CDK14: variants seen among roughly 807,000 people sequenced by gnomAD.
The protein encoded by CDK14 is cyclin-dependent kinase 14.
Under a neutral mutation model 60.7 loss-of-function variants are expected in CDK14, and 34 were observed. The observed-to-expected ratio is 0.56, with a 90% CI of 0.43 to 0.75. The LOEUF (loss-of-function observed/expected upper bound fraction) is 0.75. Among genes scored for constraint, CDK14 ranks in the 30% least tolerant of loss-of-function variants. The pLI, the probability that CDK14 is intolerant of heterozygous loss-of-function variation, is 0.00. For synonymous variants in CDK14, 197 were observed against 203.7 expected, an observed-to-expected ratio of 0.97 and a Z score of 0.28; for missense variants, 482 against 564.1, an observed-to-expected ratio of 0.85 and a Z score of 1.47.
chr7:90,916,221 T>C (rs1321136667), intron 7 of CDK14, among the ~76,000 whole-genome samples: 1 of 152,186 alleles, frequency 6.6e-6, no homozygotes, highest in Non-Finnish European at 1.5e-5. Flanking sequence ...CAGCTGCTAG[T>C]GATGGTGTGA....
intron 10 of CDK14, among the ~76,000 whole-genome samples, chr7:90,991,658 T>G (rs1795540427): frequency 6.6e-6 from 1 of 152,148 alleles, no homozygotes; most frequent in Non-Finnish European, 1.5e-5. Flanking sequence ...ATGTGCCCAG[T>G]AAATGCTTTT....
At chr7:90,714,576 T>C (rs1409928968) in intron 2 of CDK14, among the ~76,000 whole-genome samples, 2 of 152,088 alleles carry the variant, frequency 1.3e-5, no homozygotes, top group East Asian at 3.9e-4. Flanking sequence ...GAAAGATACT[T>C]CCATTTTCTC....
chr7:90,893,673 G>A (rs904829299), intron 6 of CDK14, among the ~76,000 whole-genome samples: 1 of 152,126 alleles, frequency 6.6e-6, no homozygotes, highest in African/African-American at 2.4e-5. Context: ...TGTAATTCAG[G>A]CACATGTAAT....
At chr7:91,071,648 T>C (rs1562892202) in intron 11 of CDK14, among the ~76,000 whole-genome samples, 1 of 152,210 alleles carries the variant, frequency 6.6e-6, no homozygotes, top group Admixed American at 6.5e-5. Flanking sequence ...GCCAAGCTCC[T>C]GGTGGGAGGG....
At chr7:91,117,312 T>G (rs1459608887) in intron 13 of CDK14, among the ~76,000 whole-genome samples, 1 of 151,728 alleles carries the variant, frequency 6.6e-6, no homozygotes, top group African/African-American at 2.4e-5. Flanking sequence ...CACTCCTCAC[T>G]TCACTGCTAT....
At chr7:90,691,984 A>T (rs1251969602) in intron 2 of CDK14, among the ~76,000 whole-genome samples, 1 of 152,120 alleles carries the variant, frequency 6.6e-6, no homozygotes, top group Non-Finnish European at 1.5e-5. Flanking sequence ...TTTATTTCAG[A>T]TGAGTGAGTT....
At chr7:90,817,975 CAG>C (rs1789411099) in intron 5 of CDK14, among the ~76,000 whole-genome samples, 2 of 152,146 alleles carry the variant, frequency 1.3e-5, no homozygotes, top group Admixed American at 6.6e-5. Flanking sequence ...GATTACCAGA[CAG>C]ATTCACACCT....
intron 14 of CDK14, among the ~76,000 whole-genome samples, chr7:91,177,677 G>C (rs1262524794): frequency 3.3e-5 from 5 of 149,322 alleles, no homozygotes; most frequent in African/African-American, 9.9e-5. Context: ...CAGACAAACA[G>C]AGAGCCAAAT....
chr7:90,755,598 C>G (rs1804022392), intron 4 of CDK14, among the ~76,000 whole-genome samples: 1 of 151,976 alleles, frequency 6.6e-6, no homozygotes, highest in African/African-American at 2.4e-5. Context: ...GTACATGTAG[C>G]CCCGTAATCT....
At chr7:90,728,874 A>G (rs1244901351) in intron 3 of CDK14, among the ~76,000 whole-genome samples, 3 of 151,978 alleles carry the variant, frequency 2.0e-5, no homozygotes, top group African/African-American at 7.2e-5. Flanking sequence ...AGTACTCTCA[A>G]ATGTCGCTGT....
chr7:90,783,204 G>A (rs1805419381), intron 4 of CDK14, among the ~76,000 whole-genome samples: 1 of 152,000 alleles, frequency 6.6e-6, no homozygotes, highest in East Asian at 1.9e-4. Flanking sequence ...CTTTTTATAG[G>A]TAATAATTGT....
chr7:90,996,097 G>A (rs1420705074), intron 10 of CDK14, among the ~76,000 whole-genome samples: 1 of 152,118 alleles, frequency 6.6e-6, no homozygotes, highest in Non-Finnish European at 1.5e-5. Context: ...GGACCTCAAG[G>A]GACCCTCCCT....
intron 6 of CDK14, among the ~76,000 whole-genome samples, chr7:90,864,881 A>G (rs1330626435): frequency 6.6e-6 from 1 of 152,162 alleles, no homozygotes; most frequent in Non-Finnish European, 1.5e-5. Context: ...TTTTAAATCA[A>G]CCACTTAATA....
chr7:90,793,019 T>C (rs533441443), intron 5 of CDK14, among the ~76,000 whole-genome samples: 2 of 152,342 alleles, frequency 1.3e-5, no homozygotes, highest in Admixed American at 6.5e-5. Flanking sequence ...CATCATTTTA[T>C]GCATCTTTAC....
intron 2 of CDK14, among the ~76,000 whole-genome samples, chr7:90,666,782 A>G (rs935067829): frequency 3.3e-5 from 5 of 152,184 alleles, no homozygotes; most frequent in African/African-American, 2.4e-5. Context: ...CAGTATTTCA[A>G]TATTTACTTC....
chr7:91,119,060 T>C (rs562837323), intron 14 of CDK14, among the ~76,000 whole-genome samples: 1 of 150,602 alleles, frequency 6.6e-6, no homozygotes, highest in African/African-American at 2.4e-5. Context: ...TACATACATA[T>C]ATATACATAT....
At chr7:91,015,170 C>A (rs1438755491) in intron 10 of CDK14, among the ~76,000 whole-genome samples, 1 of 152,060 alleles carries the variant, frequency 6.6e-6, no homozygotes, top group Admixed American at 6.6e-5. Flanking sequence ...TCTGTGTCAA[C>A]CTTACTTGCC....
chr7:90,675,490 G>A (rs971191816), intron 2 of CDK14, among the ~76,000 whole-genome samples: 2 of 151,938 alleles, frequency 1.3e-5, no homozygotes, highest in Non-Finnish European at 1.5e-5. Context: ...ATCATCAACA[G>A]TTAACTTTGG....
chr7:90,793,365 C>T (rs1026482524), intron 5 of CDK14, among the ~76,000 whole-genome samples: 1 of 152,116 alleles, frequency 6.6e-6, no homozygotes, highest in African/African-American at 2.4e-5. Flanking sequence ...ATTTTGAAAT[C>T]TAAAAGATTG....
Sources: gnomAD v4.1 joint callset for allele counts (sites outside exome capture counted in the v4.1 genomes callset) on GRCh38, gnomAD v4.1.1 for gene constraint, MANE v1.5 for transcripts, NCBI Gene and HGNC (gene_info 2026-07-23, HGNC 2026-07-21) for gene names.